The following TNPO1 variants were observed in gnomAD, a reference collection of about 807,000 sequenced individuals.
TNPO1 encodes transportin 1, also known as transportin-1.
TNPO1 carries 8 observed loss-of-function variants against 119.5 expected under a neutral mutation model. The observed-to-expected ratio is 0.07, with a 90% confidence interval of 0.04 to 0.12. The LOEUF is 0.12. Ranked by LOEUF, TNPO1 falls within the 10% of genes least tolerant of loss-of-function variation. The pLI, the probability that TNPO1 is intolerant of heterozygous loss-of-function variation, is 1.00. For synonymous variants in TNPO1, 362 were observed against 363.0 expected, an observed-to-expected ratio of 1.00 and a Z score of 0.03; for missense variants, 576 against 1,089.8, an observed-to-expected ratio of 0.53 and a Z score of 6.64.
rs756855790 is a variant in TNPO1, at chr5:72,818,551, A to G, written c.15+1799A>G. Among the ~76,000 whole-genome samples the G allele has an allele frequency of 8.5e-5, 13 of 152,306 alleles. No homozygotes were observed. In the East Asian group the frequency reaches 1.9e-3, roughly 23 times the overall value. ...TGCAAATGTTTTTTTAAGAAAAGAA[A>G]CCTGGTTATAAAGTGACGTCAAACC... is the stretch of plus-strand genomic sequence containing the variant. On this transcript the variant is annotated intron_variant, in intron 1 of 24. Coordinates refer to ENST00000337273, the MANE Select transcript of TNPO1 (RefSeq NM_002270.4).
Position 72,882,626 on chromosome 5 carries a change from C to A in TNPO1, c.981+99C>A. 26 of 753,220 alleles carry A rather than the reference C, an allele frequency of 3.5e-5. No homozygotes were observed. The South Asian group carries it at 4.6e-4, about 13-fold the overall frequency. 46.7% of individuals were successfully genotyped at this position (753,220 alleles called of 1,614,324 possible). A position where few individuals can be genotyped will look rare whatever the true frequency, so the allele number is the denominator to read the frequency against. The stretch of plus-strand genomic sequence containing the variant: ...AAAACATTCATTGAGAATAGATCTC[C>A]TGTAAATAGACTTCCTATTATCCAT... On this transcript the variant is annotated intron_variant, in intron 10 of 24. Coordinates refer to ENST00000337273, the MANE Select transcript of TNPO1 (RefSeq NM_002270.4).
rs141398520 is a variant in TNPO1 at position 72,883,316 on chromosome 5, C to A, written c.1150+84C>A. The A allele has an allele frequency of 7.7e-3, 5,239 of 683,412 alleles. 40 individuals are homozygous for A. The highest frequency in any genetic ancestry group is 9.1e-3 in the Non-Finnish European group (3,449 of 377,070). The allele number at this position is 683,412 out of a possible 1,614,324, so 42.3% of individuals were successfully genotyped here. A position where few individuals can be genotyped will look rare whatever the true frequency, so the allele number is the denominator to read the frequency against. The stretch of plus-strand genomic sequence containing the variant: ...AATTCATCTACTGTACAGTTTACTA[C>A]CCATTAAAGTATACATTTCATTGGT... On this transcript the variant is annotated intron_variant, in intron 11 of 24. Transcript: ENST00000337273.
chr5:72,886,996 T>C (rs1411007000), intron 11 of TNPO1, 74 bp from the exon 12 acceptor site: 2 of 1,312,822 alleles, frequency 1.5e-6, no homozygotes, highest in South Asian at 1.9e-5. Context: ...ACGAATAAAA[T>C]GTTACATATA....
Position 72,888,132 on chromosome 5 carries a change from A to G in TNPO1, c.1358A>G (p.Gln453Arg), listed in dbSNP as rs564000608. The G allele has an allele frequency of 4.3e-5, 69 of 1,614,154 alleles. No individual in the cohort carries two copies. The highest frequency in any genetic ancestry group is 3.4e-4 in the South Asian group (31 of 91,078). Residue 453 changes from glutamine (Q) to arginine (R), a missense_variant, in exon 13 of 25, where the codon CAG becomes CGG. Physicochemically the swap from Gln to Arg is conservative, Grantham distance 43. This residue lies in a region of TNPO1 where 310 missense variants were observed against 583.0 expected (regional missense o/e 0.53). Transcript: ENST00000337273. ...YLPELIPHLIQCLSDKKALVR... is the reference protein window; with the variant it reads ...YLPELIPHLIRCLSDKKALVR... ...CCTGAGCTTATTCCTCACCTTATTC[A>G]GTGCCTCTCTGATAAAAAGGCTCTT...
chr5:72,895,125 C>A lies in TNPO1; in HGVS notation c.2144-1333C>A, dbSNP rs183825098. On this transcript the variant is annotated intron_variant, in intron 18 of 24. Coordinates refer to ENST00000337273, the MANE Select transcript of TNPO1 (RefSeq NM_002270.4). ...GTACATACTATACTATCTCTTCTTA[C>A]AATTGTTTTTTGTTAAAGAAACCAT... Among the ~76,000 whole-genome samples, 6 of 152,088 alleles carry A rather than the reference C, an allele frequency of 3.9e-5. No individual in the cohort carries two copies. The East Asian group carries it at 5.8e-4, about 15-fold the overall frequency.
At chr5:72,816,877 GCCGTTTGAA>G (rs906320824) in intron 1 of TNPO1, 125 bp downstream of exon 1, 6 of 1,222,562 alleles carry the variant, frequency 4.9e-6, no homozygotes, top group Non-Finnish European at 6.6e-6. Context: ...CGCCTGCCCG[GCCGTTTGAA>G]GCCGAGAGGC....
At chr5:72,824,726 T>C (rs1365071473) in intron 1 of TNPO1, among the ~76,000 whole-genome samples, 1 of 152,262 alleles carries the variant, frequency 6.6e-6, no homozygotes, top group East Asian at 1.9e-4. Context: ...GCTCACTTTA[T>C]TGGTAATCTC....
intron 9 of TNPO1, chr5:72,878,799 A>G: frequency 3.0e-6 from 1 of 332,462 alleles, no homozygotes; most frequent in Non-Finnish European, 5.9e-6. Context: ...ATTTTTATAA[A>G]AACTGCAGAG....
rs1005824331 is a variant in TNPO1 at position 72,883,156 on chromosome 5, T to A, written c.1074T>A (p.Asp358Glu). Residue 358 changes from aspartate (D) to glutamate (E), a missense_variant, in exon 11 of 25, where the codon GAT (aspartate) becomes GAA (glutamate). Physicochemically the swap from Asp to Glu is conservative, Grantham distance 45. Around this residue, in one of 6 missense-constraint regions of TNPO1, gnomAD observed 310 missense variants for 583.0 expected, o/e 0.53. Coordinates refer to ENST00000337273, the MANE Select transcript of TNPO1 (RefSeq NM_002270.4). ...HRSRTVAQQH[D>E]EDGIEEEDDD... ...CGAGGACGGTGGCTCAGCAGCATGA[T>A]GAAGATGGAATTGAAGAGGAAGATG... is the stretch of plus-strand genomic sequence containing the variant. 2 of 1,613,512 alleles carry A rather than the reference T, an allele frequency of 1.2e-6. No individual in the cohort carries two copies. The highest frequency in any genetic ancestry group is 1.7e-6 in the Non-Finnish European group (2 of 1,179,468).
intron 18 of TNPO1, among the ~76,000 whole-genome samples, chr5:72,894,020 A>C (rs1270095879): frequency 6.6e-6 from 1 of 152,212 alleles, no homozygotes; most frequent in Non-Finnish European, 1.5e-5. Context: ...TTCTTTTTTG[A>C]GTAGCCACCT....
At chr5:72,893,770 TTTA>T in intron 18 of TNPO1, 67 bp downstream of exon 18, 2 of 1,416,562 alleles carry the variant, frequency 1.4e-6, no homozygotes, top group Middle Eastern at 2.5e-4. Flanking sequence ...GCTTTGTTTT[TTTA>T]TTATTAAACT....
chr5:72,848,800 G>C (rs1235161404), intron 2 of TNPO1, among the ~76,000 whole-genome samples: 9 of 148,852 alleles, frequency 6.0e-5, no homozygotes, highest in Non-Finnish European at 1.0e-4. Flanking sequence ...CGACATGTGC[G>C]CGGGCCGGGC....
At chr5:72,830,221 T>G (rs1744397540) in intron 1 of TNPO1, among the ~76,000 whole-genome samples, 1 of 152,228 alleles carries the variant, frequency 6.6e-6, no homozygotes, top group African/African-American at 2.4e-5. Flanking sequence ...TAGAGACTTT[T>G]GTTAGGTACG....
intron 10 of TNPO1, 69 bp from the exon 11 acceptor site, chr5:72,882,993 TTC>T (rs1208447465): frequency 1.8e-6 from 2 of 1,087,316 alleles, no homozygotes; most frequent in Non-Finnish European, 2.8e-6. Flanking sequence ...GATATTCTGT[TTC>T]TCTTACTCAT....
intron 17 of TNPO1, 23 bp downstream of exon 17, chr5:72,893,558 G>T (rs1194522973): frequency 6.2e-7 from 1 of 1,614,154 alleles, no homozygotes; most frequent in South Asian, 1.1e-5. Flanking sequence ...AGGTGAAAAT[G>T]AATTGAAGCC....
rs1748706935 is a variant in TNPO1 at position 72,887,067 on chromosome 5, T to C, written c.1151-3T>C. 4 of 1,602,868 alleles carry C rather than the reference T, an allele frequency of 2.5e-6. No individual in the cohort carries two copies. The South Asian group carries it at 4.5e-5, about 18-fold the overall frequency. ...AATATTTTTGAATTAAATATTTCCTTAGGAAAATGTTCTGCTGCTGCCCTG... is the reference window on the plus strand; with the variant it reads ...AATATTTTTGAATTAAATATTTCCTCAGGAAAATGTTCTGCTGCTGCCCTG... On this transcript the variant is annotated splice_region_variant and splice_polypyrimidine_tract_variant and intron_variant, in intron 11 of 24. Transcript: ENST00000337273.
At chr5:72,855,446 A>G (rs577315745) in intron 3 of TNPO1, among the ~76,000 whole-genome samples, 1 of 152,308 alleles carries the variant, frequency 6.6e-6, no homozygotes, top group Non-Finnish European at 1.5e-5. Context: ...TTTAACCCCC[A>G]GAAAACATTT....
chr5:72,855,200 A>C (rs1267698320), intron 3 of TNPO1, among the ~76,000 whole-genome samples: 1 of 151,894 alleles, frequency 6.6e-6, no homozygotes, highest in Non-Finnish European at 1.5e-5. Context: ...TTCACCATGT[A>C]GGCCGGTCTG....
At chr5:72,892,711 C>G (rs1162391454) in intron 15 of TNPO1, among the ~76,000 whole-genome samples, 1 of 152,044 alleles carries the variant, frequency 6.6e-6, no homozygotes, top group Non-Finnish European at 1.5e-5. Context: ...TTTCTAAATA[C>G]TTTTGATTCA....
Sources: allele counts gnomAD v4.1 joint callset (sites outside exome capture counted in the v4.1 genomes callset), GRCh38; gene constraint gnomAD v4.1.1; regional missense constraint gnomAD v4.1.1; transcripts MANE v1.5; gene names NCBI Gene and HGNC (gene_info 2026-07-23, HGNC 2026-07-21).